The following CCDC120 variants were observed in gnomAD, a reference collection of about 807,000 sequenced individuals.
CCDC120 encodes the protein coiled-coil domain containing 120.
A neutral mutation model predicts 37.6 loss-of-function variants in CCDC120; 16 were observed. The ratio of observed to expected loss-of-function variants is 0.43; its 90% CI spans 0.29 to 0.65. The LOEUF (loss-of-function observed/expected upper bound fraction) is 0.65. Among genes scored for constraint, CCDC120 ranks in the 30% least tolerant of loss-of-function variants. CCDC120 has a pLI of 0.18. For missense variants in CCDC120, 650 were observed against 657.4 expected, an observed-to-expected ratio of 0.99 and a Z score of 0.12; for synonymous variants, 309 against 275.4, an observed-to-expected ratio of 1.12 and a Z score of -1.21.
At chrX:49,064,722 C>T in intron 6 of CCDC120, 58 bp downstream of exon 6, 1 of 1,097,702 alleles carries the variant, frequency 9.1e-7, no homozygotes, top group Non-Finnish European at 1.2e-6. Context: ...CGTGGTAGGG[C>T]TGGGATGGGT....
Position 49,067,774 on chromosome X carries a change from C to T in CCDC120, c.1660C>T (p.Pro554Ser), listed in dbSNP as rs1557081910. 1 of 1,195,863 alleles carries T rather than the reference C, an allele frequency of 8.4e-7. No homozygotes were observed. The highest frequency in any genetic ancestry group is 2.2e-5 in the Admixed American group (1 of 45,059). ...CACCCGCACTAAGCCCTGTGGCCTG[C>T]CCCCAGAGGCTGCCGAAGGCCCTGA... Reference protein sequence around the residue: ...RATRTKPCGLPPEAAEGPEVH... With the variant: ...RATRTKPCGLSPEAAEGPEVH... Residue 554 changes from proline to serine, a missense_variant, in exon 10 of 11, where the codon CCC (proline) becomes TCC (serine). Physicochemically the swap from Pro to Ser is moderately conservative, Grantham distance 74. Around this residue, in one of 3 missense-constraint regions of CCDC120, gnomAD observed 576 missense variants for 565.3 expected, o/e 1.02. Transcript: ENST00000603986.
chrX:49,068,004 T>C lies in CCDC120; in HGVS notation c.1890T>C (p.Tyr630=). 1 of 1,163,448 alleles carries C rather than the reference T, an allele frequency of 8.6e-7. No homozygotes were observed. Among genetic ancestry groups the C allele is most frequent in the Non-Finnish European group, 1.1e-6 (1 of 870,380 alleles). Residue 630 remains tyrosine, a synonymous_variant, in exon 10 of 11, where the codon TAT becomes TAC. Transcript: ENST00000603986. ...CACCCTTCCTCCATGCCCGCTGCTA[T>C]GAGGTGGGCCAGGCGCTGTACGGGG... ...PHPPFLHARC[Y]EVGQALYGAP...
At chrX:49,060,610 A>C (rs1273211129) in intron 1 of CCDC120, among the ~76,000 whole-genome samples, 2 of 109,402 alleles carry the variant, frequency 1.8e-5, no homozygotes, top group Admixed American at 9.8e-5. Context: ...GGAAAGTTGG[A>C]GCCCCAGTGA....
intron 1 of CCDC120, 177 bp downstream of exon 1, chrX:49,059,272 G>C (rs2064855450): frequency 8.6e-6 from 6 of 694,925 alleles, no homozygotes; most frequent in Non-Finnish European, 1.0e-5. Context: ...TGGAGGGCCT[G>C]AGGACAGGGG....
chrX:49,061,937 C>T, intron 1 of CCDC120, 22 bp from the exon 2 acceptor site: 1 of 1,112,014 alleles, frequency 9.0e-7, no homozygotes, highest in South Asian at 2.2e-5. Flanking sequence ...TTGAATCTGT[C>T]CCATTAATTC....
chrX:49,057,063 T>C (rs781914754), upstream of CCDC120, among the ~76,000 whole-genome samples: 4 of 111,299 alleles, frequency 3.6e-5, 1 homozygote, highest in South Asian at 1.5e-3. Flanking sequence ...GACAGCAGGG[T>C]CACGTGAGGC....
At position 49,067,657 on chromosome X, in the gene CCDC120, G is replaced by T. The variant is rs782113941; in HGVS notation, c.1543G>T (p.Gly515Trp). Residue 515 changes from glycine (G) to tryptophan (W), a missense_variant, in exon 10 of 11, where the codon GGG becomes TGG. By Grantham distance (184) the Gly-to-Trp change is radical. Coordinates refer to ENST00000603986, the MANE Select transcript of CCDC120 (RefSeq NM_001163321.4). ...EVPGPLSRRD[G>W]LLTMLPGPPP... ...CCCAGGACCCCTCTCCCGCCGGGATGGGCTCCTCACCATGCTCCCCGGCCC... is the reference window on the plus strand; with the variant it reads ...CCCAGGACCCCTCTCCCGCCGGGATTGGCTCCTCACCATGCTCCCCGGCCC... The T allele has an allele frequency of 8.3e-7, 1 of 1,202,353 alleles. No individual in the cohort carries two copies. The highest frequency in any genetic ancestry group is 1.8e-5 in the South Asian group (1 of 55,972).
chrX:49,062,648 G>A (rs1557079865), intron 4 of CCDC120, 47 bp downstream of exon 4: 4 of 1,173,239 alleles, frequency 3.4e-6, no homozygotes, highest in Non-Finnish European at 4.6e-6. Flanking sequence ...TTGGGAGGAG[G>A]TGAGGAGCTG....
rs1479138376 is a variant in CCDC120 at position 49,065,536 on chromosome X, G to T, written c.870G>T (p.Gly290=). The T allele has an allele frequency of 8.3e-7, 1 of 1,210,924 alleles. No homozygotes were observed. Among genetic ancestry groups the T allele is most frequent in the African/African-American group, 1.7e-5 (1 of 57,841 alleles). ...ACCAGCTGCGGGCAGTATCTGGGGG[G>T]AGCCCTGAGCGGCGAACCCCATGGA... ...AWDQLRAVSG[G]SPERRTPWKP... Residue 290 remains glycine, a synonymous_variant, in exon 8 of 11, where the codon GGG becomes GGT. Coordinates refer to ENST00000603986, the MANE Select transcript of CCDC120 (RefSeq NM_001163321.4).
Position 49,064,550 on chromosome X carries a change from G to A in CCDC120, c.610G>A (p.Ala204Thr). 1.7e-6 allele frequency: 2 copies of A among 1,176,067 alleles called. No homozygotes were observed. Among genetic ancestry groups the A allele is most frequent in the East Asian group, 6.4e-5 (2 of 31,427 alleles). Reference sequence around the variant, plus strand: ...AGAGGAGCAGCTCAGGGATGTCCGGGCCCGCCTTGGCCTCCCAGTGCTCCC... The same window carrying A: ...AGAGGAGCAGCTCAGGGATGTCCGGACCCGCCTTGGCCTCCCAGTGCTCCC... ...ELEEQLRDVR[A>T]RLGLPVLPLP... Residue 204 changes from alanine to threonine, a missense_variant, in exon 6 of 11, where the codon GCC (alanine) becomes ACC (threonine). Ala to Thr is a moderately conservative substitution (Grantham distance 58). Around this residue, in one of 3 missense-constraint regions of CCDC120, gnomAD observed 576 missense variants for 565.3 expected, o/e 1.02. Coordinates refer to ENST00000603986, the MANE Select transcript of CCDC120 (RefSeq NM_001163321.4).
At chrX:49,062,724 G>A in intron 4 of CCDC120, 123 bp downstream of exon 4, 1 of 724,869 alleles carries the variant, frequency 1.4e-6, no homozygotes, top group Non-Finnish European at 2.0e-6. Context: ...TAGATTCCCT[G>A]TCACCTACTT....
rs1353880421 is a variant in CCDC120 at position 49,068,940 on chromosome X, T to A, written c.*282T>A. 4 of 232,527 alleles carry A rather than the reference T, an allele frequency of 1.7e-5. No homozygotes were observed. Among genetic ancestry groups the A allele is most frequent in the Non-Finnish European group, 3.1e-5 (4 of 129,720 alleles). 19.2% of individuals were successfully genotyped at this position (232,527 alleles called of 1,213,427 possible). A position where few individuals can be genotyped will look rare whatever the true frequency, so the allele number is the denominator to read the frequency against. On this transcript the variant is annotated 3_prime_UTR_variant, in exon 11 of 11. Coordinates refer to ENST00000603986, the MANE Select transcript of CCDC120 (RefSeq NM_001163321.4). ...CTTCCTCCATTTATGTTTACAGTTG[T>A]GACTTAGGTATTCACTGTCTTCCTC... is the stretch of plus-strand genomic sequence containing the variant.
At chrX:49,067,000 C>T (rs781916457) in intron 9 of CCDC120, 176 bp from the exon 10 acceptor site, 1 of 455,494 alleles carries the variant, frequency 2.2e-6, no homozygotes, top group African/African-American at 2.4e-5. Context: ...AGGATAGAAC[C>T]TCAGCTGCCC....
In CCDC120 at chrX:49,068,777, A is replaced by G; in HGVS notation, c.*119A>G. ...AGTCCTGAGCAGAGTGCGCCAACCT[A>G]ATCTTCCAAGGCCCCTGGCTCCCCG... On this transcript the variant is annotated 3_prime_UTR_variant, in exon 11 of 11. Coordinates refer to ENST00000603986, the MANE Select transcript of CCDC120 (RefSeq NM_001163321.4). 4 of 719,766 alleles carry G rather than the reference A, an allele frequency of 5.6e-6. No individual in the cohort carries two copies. Among genetic ancestry groups the G allele is most frequent in the Non-Finnish European group, 7.3e-6 (4 of 549,146 alleles). 59.3% of individuals were successfully genotyped at this position (719,766 alleles called of 1,213,427 possible).
chrX:49,062,676 G>C, intron 4 of CCDC120, 75 bp downstream of exon 4: 1 of 1,046,209 alleles, frequency 9.6e-7, no homozygotes. Flanking sequence ...TAGGTAGACA[G>C]ACTTGGGTGG....
rs782512902 is a variant in CCDC120, at chrX:49,065,460, C to T, written c.794C>T (p.Pro265Leu). Residue 265 changes from proline to leucine, a missense_variant, in exon 8 of 11, where the codon CCC becomes CTC. This residue lies in a region of CCDC120 where 576 missense variants were observed against 565.3 expected (regional missense o/e 1.02). Transcript: ENST00000603986. ...ESGASHDNEE[P>L]HGCFSLAERP... ...CTTGCTCTCTTCCACTCAGAGGAGC[C>T]CCATGGCTGCTTCTCTCTGGCCGAG... 2.5e-6 allele frequency: 3 copies of T among 1,191,193 alleles called. No individual in the cohort carries two copies. Among genetic ancestry groups the T allele is most frequent in the Non-Finnish European group, 3.4e-6 (3 of 887,528 alleles).
At chrX:49,054,143 T>G (rs2064816870), upstream of CCDC120, among the ~76,000 whole-genome samples, 1 of 111,535 alleles carries the variant, frequency 9.0e-6, no homozygotes, top group African/African-American at 3.3e-5. Context: ...AATCCAGTCC[T>G]GACCCCAAAC....
chrX:49,067,051 C>T, intron 9 of CCDC120, 125 bp from the exon 10 acceptor site: 1 of 593,977 alleles, frequency 1.7e-6, no homozygotes, highest in Non-Finnish European at 2.7e-6. Context: ...ACACAGCTTC[C>T]AACCTTGGGC....
chrX:49,063,763 G>A (rs2064915962), intron 4 of CCDC120, 98 bp from the exon 5 acceptor site: 3 of 969,530 alleles, frequency 3.1e-6, no homozygotes, highest in East Asian at 6.9e-5. Flanking sequence ...AGCAGGGCCA[G>A]GCTCCTGGTA....
Sources: allele counts gnomAD v4.1 joint callset (sites outside exome capture counted in the v4.1 genomes callset), GRCh38; gene constraint gnomAD v4.1.1; regional missense constraint gnomAD v4.1.1; transcripts MANE v1.5; gene names NCBI Gene and HGNC (gene_info 2026-07-23, HGNC 2026-07-21).